WWOX: variants seen among roughly 807,000 people sequenced by gnomAD.
WWOX encodes the protein WW domain-containing oxidoreductase.
In WWOX, 69 loss-of-function variants were observed where a neutral mutation model predicts 46.2. That is an observed-to-expected ratio of 1.49 (90% CI 1.23 to 1.82). The LOEUF is 1.82. WWOX is among the 40% of genes most tolerant of loss of function. WWOX has a pLI of 0.00. For synonymous variants in WWOX, 359 were observed against 202.6 expected, an observed-to-expected ratio of 1.77 and a Z score of -6.56; for missense variants, 919 against 542.6, an observed-to-expected ratio of 1.69 and a Z score of -6.89.
In WWOX at chr16:78,611,219, C is replaced by G. The variant is rs529686232; in HGVS notation, c.1056+178467C>G. ...GGAGTAATTTGTGATTTGCTACGTTCATTTCGTGAGACTTTTGGTGAAAGA... is the reference window on the plus strand; with the variant it reads ...GGAGTAATTTGTGATTTGCTACGTTGATTTCGTGAGACTTTTGGTGAAAGA... On this transcript the variant is annotated intron_variant, in intron 8 of 8. Transcript: ENST00000566780. 5.9e-5 allele frequency among the ~76,000 whole-genome samples: 9 copies of G among 152,262 alleles called. No homozygotes were observed. The South Asian group carries it at 1.7e-3, about 28-fold the overall frequency.
chr16:78,492,520 A>T (rs2084808582), intron 8 of WWOX, among the ~76,000 whole-genome samples: 1 of 152,154 alleles, frequency 6.6e-6, no homozygotes, highest in Non-Finnish European at 1.5e-5. Flanking sequence ...TACATCTAGG[A>T]CCATAACAGC....
intron 8 of WWOX, among the ~76,000 whole-genome samples, chr16:78,888,854 C>G (rs1225229187): frequency 6.6e-6 from 1 of 152,046 alleles, no homozygotes. Flanking sequence ...TGTCTCAAGA[C>G]TGCCCAGCAG....
At chr16:78,687,585 G>C (rs1325015829) in intron 8 of WWOX, among the ~76,000 whole-genome samples, 1 of 134,140 alleles carries the variant, frequency 7.5e-6, no homozygotes, top group African/African-American at 2.6e-5. Context: ...GTAATGAAGA[G>C]AGAGAGACCC....
intron 8 of WWOX, among the ~76,000 whole-genome samples, chr16:79,015,317 AAT>A (rs1171368008): frequency 6.6e-6 from 1 of 152,176 alleles, no homozygotes; most frequent in Non-Finnish European, 1.5e-5. Flanking sequence ...AGATGAACAG[AAT>A]TCCAGTGCCA....
intron 8 of WWOX, among the ~76,000 whole-genome samples, chr16:78,747,973 C>T (rs893835630): frequency 6.6e-6 from 1 of 152,200 alleles, no homozygotes; most frequent in African/African-American, 2.4e-5. Context: ...CTTAGTGGTC[C>T]TCTTGCGTAG....
chr16:78,382,770 A>C (rs546693419), intron 5 of WWOX, among the ~76,000 whole-genome samples: 1 of 152,326 alleles, frequency 6.6e-6, no homozygotes, highest in South Asian at 2.1e-4. Flanking sequence ...ATATGAATAC[A>C]TACACATGAT....
chr16:78,989,601 A>T (rs960308490), intron 8 of WWOX, among the ~76,000 whole-genome samples: 5 of 152,162 alleles, frequency 3.3e-5, no homozygotes, highest in African/African-American at 1.2e-4. Flanking sequence ...TTTGGGGATA[A>T]ATACTGAGAC....
In WWOX at chr16:79,211,605, C is replaced by G. The variant is rs143302415; in HGVS notation, c.1057-3C>G. On this transcript the variant is annotated splice_region_variant and splice_polypyrimidine_tract_variant and intron_variant, in intron 8 of 8. Transcript: ENST00000566780. Reference sequence around the variant, plus strand: ...TTTTTTGTCTTTCTTCTTGGATTTCCAGCAACAGGGAGCTGCCACCACCGT... The same window carrying G: ...TTTTTTGTCTTTCTTCTTGGATTTCGAGCAACAGGGAGCTGCCACCACCGT... 1.9e-6 allele frequency: 3 copies of G among 1,614,042 alleles called. No homozygotes were observed. The African/African-American group carries it at 4.0e-5, about 22-fold the overall frequency.
chr16:78,693,166 T>C (rs1435190878), intron 8 of WWOX, among the ~76,000 whole-genome samples: 1 of 152,224 alleles, frequency 6.6e-6, no homozygotes, highest in Non-Finnish European at 1.5e-5. Flanking sequence ...AAAGCAATTA[T>C]TTGCCCATCT....
chr16:78,954,971 G>A (rs1362472576), intron 8 of WWOX, among the ~76,000 whole-genome samples: 1 of 152,018 alleles, frequency 6.6e-6, no homozygotes, highest in Non-Finnish European at 1.5e-5. Context: ...TAAATTTTTT[G>A]TAGGGACAGG....
chr16:78,269,914 G>GTTTTTTTTTTTTTTTTTT (rs71137883), intron 5 of WWOX, among the ~76,000 whole-genome samples: 2 of 125,692 alleles, frequency 1.6e-5, no homozygotes, highest in African/African-American at 3.2e-5. Context: ...ACATAAGGAA[G>GTTTTTTTTTTTTTTTTTT]TTTTTTTTTT....
intron 8 of WWOX, among the ~76,000 whole-genome samples, chr16:79,048,113 C>T (rs1284124060): frequency 6.6e-6 from 1 of 152,184 alleles, no homozygotes; most frequent in Non-Finnish European, 1.5e-5. Context: ...CCTCAGATCA[C>T]AGACACGGAA....
chr16:78,488,292 C>T (rs982410285), intron 8 of WWOX, among the ~76,000 whole-genome samples: 2 of 152,040 alleles, frequency 1.3e-5, no homozygotes, highest in Non-Finnish European at 2.9e-5. Flanking sequence ...TGTGAGTCTT[C>T]CAAGTCCTGT....
intron 8 of WWOX, among the ~76,000 whole-genome samples, chr16:79,156,172 G>A (rs947047663): frequency 7.9e-5 from 12 of 152,028 alleles, no homozygotes; most frequent in Admixed American, 2.0e-4. Flanking sequence ...GAGGTTGTTC[G>A]TTTCTTTGAG....
chr16:78,134,400 TG>T (rs2033717273), intron 4 of WWOX, among the ~76,000 whole-genome samples: 1 of 152,182 alleles, frequency 6.6e-6, no homozygotes, highest in African/African-American at 2.4e-5. Flanking sequence ...TTACCTATTC[TG>T]TAAGTCTTTT....
intron 8 of WWOX, among the ~76,000 whole-genome samples, chr16:79,199,032 T>G (rs138194370): frequency 6.6e-6 from 1 of 152,312 alleles, no homozygotes; most frequent in African/African-American, 2.4e-5. Context: ...CAGAAAACTT[T>G]GCCTCTTTGG....
chr16:79,153,566 C>G (rs1372328838), intron 8 of WWOX, among the ~76,000 whole-genome samples: 1 of 152,126 alleles, frequency 6.6e-6, no homozygotes, highest in African/African-American at 2.4e-5. Flanking sequence ...AGTAACAATC[C>G]TAATAATACC....
intron 8 of WWOX, among the ~76,000 whole-genome samples, chr16:79,115,542 T>C (rs967984171): frequency 6.6e-6 from 1 of 152,154 alleles, no homozygotes; most frequent in Non-Finnish European, 1.5e-5. Context: ...TTATGCAGTT[T>C]ACAATATCTC....
At chr16:78,813,197 G>A (rs2051236744) in intron 8 of WWOX, among the ~76,000 whole-genome samples, 1 of 149,124 alleles carries the variant, frequency 6.7e-6, no homozygotes, top group South Asian at 2.1e-4. Flanking sequence ...TCTGATTTTT[G>A]TTGTTTTGCT....
Sources: allele counts gnomAD v4.1 joint callset (sites outside exome capture counted in the v4.1 genomes callset), GRCh38; gene constraint gnomAD v4.1.1; transcripts MANE v1.5; gene names NCBI Gene and HGNC (gene_info 2026-07-23, HGNC 2026-07-21).